The following PKD1L3 variants were observed in gnomAD, a reference collection of about 807,000 sequenced individuals.
PKD1L3 encodes polycystin-1-like protein 3.
PKD1L3 carries 239 observed loss-of-function variants against 184.1 expected under a neutral mutation model. The ratio of observed to expected loss-of-function variants is 1.30; its 90% CI spans 1.17 to 1.45. The LOEUF is 1.45. PKD1L3 is among the 40% of genes most tolerant of loss of function. PKD1L3 has a pLI of 0.00. For synonymous variants in PKD1L3, 996 were observed against 778.8 expected, an observed-to-expected ratio of 1.28 and a Z score of -4.64; for missense variants, 2,660 against 2,067.2, an observed-to-expected ratio of 1.29 and a Z score of -5.56.
In PKD1L3 at chr16:71,986,378, C is replaced by T; in HGVS notation, c.677G>A (p.Ser226Asn). Residue 226 changes from serine (S) to asparagine (N), a missense_variant, in exon 5 of 30, where the codon AGC becomes AAC. Transcript: ENST00000620267. ...CTGTGTTATCACAGGGAGAGGCTGG[C>T]TGCTGGGTTCAGATGCGGCTGATGT... ...QVTSAASEPS[S>N]QPLPVITQLT... 6.4e-7 allele frequency: 1 copy of T among 1,551,812 alleles called. No individual in the cohort carries two copies.
rs547598909 is a variant in PKD1L3 at position 71,990,688 on chromosome 16, T to C, written c.536-359A>G. Among the ~76,000 whole-genome samples, 11 of 152,114 alleles carry C rather than the reference T, an allele frequency of 7.2e-5. No homozygotes were observed. The South Asian group carries it at 1.3e-3, about 17-fold the overall frequency. On this transcript the variant is annotated intron_variant, in intron 3 of 29. Transcript: ENST00000620267. The stretch of plus-strand genomic sequence containing the variant: ...GGCAGAGGTTGCAGTGAGCCGAGAT[T>C]GTGCCACTGCACTCTAGCCTGGGCA...
chr16:71,970,508 A>C (rs995065449), intron 12 of PKD1L3, among the ~76,000 whole-genome samples: 5 of 152,178 alleles, frequency 3.3e-5, no homozygotes, highest in African/African-American at 4.8e-5. Context: ...TCTATACAGC[A>C]GTTAAAAATG....
At chr16:71,994,154 A>C (rs375216418) in intron 2 of PKD1L3, among the ~76,000 whole-genome samples, 4 of 152,302 alleles carry the variant, frequency 2.6e-5, no homozygotes, top group African/African-American at 9.6e-5. Flanking sequence ...AGAGAAAATC[A>C]TATAACCATG....
chr16:71,936,078 G>T (rs1190846801), intron 25 of PKD1L3, among the ~76,000 whole-genome samples: 4 of 151,550 alleles, frequency 2.6e-5, no homozygotes. Context: ...TTACAGGCGT[G>T]AGCCACCATG....
intron 26 of PKD1L3, among the ~76,000 whole-genome samples, 170 bp from the exon 27 acceptor site, chr16:71,934,295 G>C (rs926788078): frequency 1.3e-5 from 2 of 152,188 alleles, no homozygotes; most frequent in African/African-American, 4.8e-5. Flanking sequence ...GGATATGGGA[G>C]TAACAGAAGG....
chr16:71,954,245 G>A lies in PKD1L3; in HGVS notation c.2669C>T (p.Ser890Leu), dbSNP rs1182018431. The change falls in exon 17 of 30, where the codon TCA (serine) becomes TTA (leucine). Residue 890 changes from serine to leucine, a missense_variant. Coordinates refer to ENST00000620267, the MANE Select transcript of PKD1L3 (RefSeq NM_181536.2). ...GTTCCAGGGATGCCGAGTTGCAATT[G>A]AAAGCCACAGATAATCCTGGGTGAA... ...EKFTQDYLWL[S>L]IATRHPWNQF... 6 of 1,550,334 alleles carry A rather than the reference G, an allele frequency of 3.9e-6. No individual in the cohort carries two copies. In the Admixed American group the frequency reaches 9.9e-5, roughly 25 times the overall value.
intron 16 of PKD1L3, among the ~76,000 whole-genome samples, chr16:71,957,295 G>A (rs1798641141): frequency 6.6e-6 from 1 of 151,690 alleles, no homozygotes; most frequent in Non-Finnish European, 1.5e-5. Context: ...AAGAAACAGA[G>A]GAACAAAAAA....
chr16:71,986,251 T>C lies in PKD1L3; in HGVS notation c.804A>G (p.Leu268=), dbSNP rs535639729. 17 of 1,552,366 alleles carry C rather than the reference T, an allele frequency of 1.1e-5. No individual in the cohort carries two copies. In the Admixed American group the frequency reaches 2.7e-4, roughly 25 times the overall value. Reference sequence around the variant, plus strand: ...CAGATGCCTTCTGCAATGACACTTGTAGATAAGAGGTGAAGGTATTCGGAT... The same window carrying C: ...CAGATGCCTTCTGCAATGACACTTGCAGATAAGAGGTGAAGGTATTCGGAT... ...EGHPNTFTSY[L]QVSLQKASGQ... is the part of the protein sequence containing the mutation. The change falls in exon 5 of 30, where the codon CTA becomes CTG. Residue 268 remains leucine (L), a synonymous_variant. Transcript: ENST00000620267.
At chr16:71,954,065 T>C (rs776766218) in intron 17 of PKD1L3, 40 bp downstream of exon 17, 31 of 1,408,732 alleles carry the variant, frequency 2.2e-5, no homozygotes, top group Admixed American at 1.8e-4. Context: ...AAAAAAAGGA[T>C]TGCTTACTAC....
chr16:71,950,879 T>C (rs2038803730), intron 19 of PKD1L3, among the ~76,000 whole-genome samples: 1 of 151,186 alleles, frequency 6.6e-6, no homozygotes, highest in South Asian at 2.1e-4. Context: ...ATTACAGGCA[T>C]CTGCCACCAT....
chr16:71,957,919 CT>C (rs1294044834), intron 16 of PKD1L3, among the ~76,000 whole-genome samples: 1 of 152,206 alleles, frequency 6.6e-6, no homozygotes, highest in Non-Finnish European at 1.5e-5. Flanking sequence ...TCTGTGCTGT[CT>C]TCTTACAAGC....
chr16:71,979,936 A>C, intron 8 of PKD1L3, 24 bp from the exon 9 acceptor site: 3 of 1,550,492 alleles, frequency 1.9e-6, no homozygotes, highest in Non-Finnish European at 2.6e-6. Flanking sequence ...TTAAAATGGA[A>C]GTCAATTTTT....
chr16:71,958,800 A>G (rs1354021956), intron 16 of PKD1L3, among the ~76,000 whole-genome samples: 1 of 149,276 alleles, frequency 6.7e-6, no homozygotes, highest in East Asian at 2.0e-4. Flanking sequence ...AAAAAAAAAA[A>G]AAAAAGTCGG....
chr16:71,930,930 A>G (rs974922903), intron 28 of PKD1L3: 8 of 152,186 alleles, frequency 5.3e-5, no homozygotes, highest in African/African-American at 1.9e-4. Context: ...ATATGGCAAA[A>G]TATTTTCAAG....
chr16:71,955,289 G>A (rs1403980885), intron 16 of PKD1L3, among the ~76,000 whole-genome samples: 1 of 151,956 alleles, frequency 6.6e-6, no homozygotes, highest in Non-Finnish European at 1.5e-5. Context: ...TGGAGGTGCA[G>A]TGGCAGGGAG....
rs1413949324 is a variant in PKD1L3, at chr16:71,970,215, C to T, written c.1954-110G>A. ...GATGGAAAGAGGTATCTGGTTCTCTCATTCACAGCTGGTGATGGCGTAAAT... is the reference window on the plus strand; with the variant it reads ...GATGGAAAGAGGTATCTGGTTCTCTTATTCACAGCTGGTGATGGCGTAAAT... On this transcript the variant is annotated intron_variant, in intron 12 of 29. Coordinates refer to ENST00000620267, the MANE Select transcript of PKD1L3 (RefSeq NM_181536.2). 3.6e-6 allele frequency: 3 copies of T among 833,436 alleles called. No homozygotes were observed. The East Asian group carries it at 8.0e-5, about 22-fold the overall frequency. The allele number at this position is 833,436 out of a possible 1,614,324, so 51.6% of individuals were successfully genotyped here.
At chr16:71,975,134 T>C (rs1169274164) in intron 11 of PKD1L3, among the ~76,000 whole-genome samples, 1 of 152,048 alleles carries the variant, frequency 6.6e-6, no homozygotes, top group African/African-American at 2.4e-5. Context: ...AAACTCATTG[T>C]GGCTTTGAAC....
chr16:71,934,000 A>C lies in PKD1L3; in HGVS notation c.4739T>G (p.Ile1580Ser). ...LLRHSPRLRV[I>S]SRTLSRAWDE... The stretch of plus-strand genomic sequence containing the variant: ...CCAGGCTCGGCTCAGTGTCCTGCTG[A>C]TGACCCGCAGCCTGGGGCTATGACG... Residue 1580 changes from isoleucine to serine, a missense_variant, in exon 27 of 30, where the codon ATC (isoleucine) becomes AGC (serine). Physicochemically the swap from Ile to Ser is moderately radical, Grantham distance 142 (BLOSUM62 -2). Transcript: ENST00000620267. 1 of 1,551,686 alleles carries C rather than the reference A, an allele frequency of 6.4e-7. No homozygotes were observed. Among genetic ancestry groups the C allele is most frequent in the Non-Finnish European group, 8.7e-7 (1 of 1,146,996 alleles).
intron 5 of PKD1L3, 123 bp downstream of exon 5, chr16:71,986,098 G>C (rs2040350506): frequency 1.6e-6 from 2 of 1,282,678 alleles, no homozygotes; most frequent in Non-Finnish European, 1.1e-6. Context: ...TTTTGTTTTG[G>C]ATTGGCATAT....
Sources: allele counts gnomAD v4.1 joint callset (sites outside exome capture counted in the v4.1 genomes callset), GRCh38; gene constraint gnomAD v4.1.1; transcripts MANE v1.5; gene names NCBI Gene and HGNC (gene_info 2026-07-23, HGNC 2026-07-21).